The following NCAPD3 variants were observed in gnomAD, a reference collection of about 807,000 sequenced individuals.
The protein encoded by NCAPD3 is non-SMC condensin II complex subunit D3.
Under a neutral mutation model 182.9 loss-of-function variants are expected in NCAPD3, and 105 were observed. The observed-to-expected ratio is 0.57, with a 90% confidence interval of 0.49 to 0.68. The LOEUF (loss-of-function observed/expected upper bound fraction) is 0.68. Among genes scored for constraint, NCAPD3 ranks in the 30% least tolerant of loss-of-function variants. The pLI is 0.00. For missense variants in NCAPD3, 1,944 were observed against 1,837.0 expected, an observed-to-expected ratio of 1.06 and a Z score of -1.07; for synonymous variants, 815 against 679.9, an observed-to-expected ratio of 1.20 and a Z score of -3.09.
At chr11:134,211,669 T>A (rs556029066) in intron 3 of NCAPD3, among the ~76,000 whole-genome samples, 3 of 151,020 alleles carry the variant, frequency 2.0e-5, no homozygotes, top group African/African-American at 7.3e-5. Context: ...GAATTAAAAG[T>A]AAAACATTAT....
In NCAPD3 at chr11:134,182,935, T is replaced by C. The variant is rs191383963; in HGVS notation, c.2451+1702A>G. The C allele has an allele frequency of 1.5e-4, 46 of 317,072 alleles. 1 individual carries two copies. The highest frequency in any genetic ancestry group is 1.4e-3 in the Admixed American group (33 of 23,758). The allele number at this position is 317,072 out of a possible 1,614,324, so 19.6% of individuals were successfully genotyped here. On this transcript the variant is annotated intron_variant, in intron 19 of 34. Coordinates refer to ENST00000534548, the MANE Select transcript of NCAPD3 (RefSeq NM_015261.3). The stretch of plus-strand genomic sequence containing the variant: ...CTCTGTCAACCACCAAGTGAGGTTG[T>C]GTCGGCAGATTAAAACCGTGGCGGT...
chr11:134,222,296 A>G lies in NCAPD3; in HGVS notation c.64+1567T>C, dbSNP rs141179040. Among the ~76,000 whole-genome samples, 10 of 152,344 alleles carry G rather than the reference A, an allele frequency of 6.6e-5. No homozygotes were observed. The South Asian group carries it at 1.0e-3, about 16-fold the overall frequency. On this transcript the variant is annotated intron_variant, in intron 1 of 34. Transcript: ENST00000534548. ...AAATACATCACCTATTCACTCAACAAACACTTTGAGAAAATACTAGGGAAG... is the reference window on the plus strand; with the variant it reads ...AAATACATCACCTATTCACTCAACAGACACTTTGAGAAAATACTAGGGAAG...
At chr11:134,202,964 A>G (rs887331954) in intron 12 of NCAPD3, 59 bp from the exon 13 acceptor site, 24 of 1,361,840 alleles carry the variant, frequency 1.8e-5, no homozygotes, top group Non-Finnish European at 2.3e-5. Context: ...TAATAACATT[A>G]GCAGGGCATG....
At chr11:134,165,613 G>T (rs1452724403) in intron 27 of NCAPD3, among the ~76,000 whole-genome samples, 1 of 144,722 alleles carries the variant, frequency 6.9e-6, no homozygotes, top group Admixed American at 6.9e-5. Context: ...TGGGGGAGGC[G>T]CACACTCGTG....
Position 134,190,709 on chromosome 11 carries a change from T to G in NCAPD3, c.2045+1980A>C, listed in dbSNP as rs189139279. On this transcript the variant is annotated intron_variant, in intron 16 of 34. Transcript: ENST00000534548. ...CAGGGATGATCTCAAACTCCTGGTC[T>G]TAAGCAGTTCTCCTGCCTCAGCCTC... Among the ~76,000 whole-genome samples, 257 of 152,304 alleles carry G rather than the reference T, an allele frequency of 1.7e-3. 4 individuals carry two copies. The highest frequency in any genetic ancestry group is 3.7e-4 in the Non-Finnish European group (25 of 68,014).
chr11:134,165,705 G>A lies in NCAPD3; in HGVS notation c.3573+2291C>T, dbSNP rs145404157. 4.5e-5 allele frequency among the ~76,000 whole-genome samples: 6 copies of A among 134,534 alleles called. No homozygotes were observed. The South Asian group carries it at 7.6e-4, about 17-fold the overall frequency. The allele number at this position is 134,534 out of a possible 152,430, so 88.3% of individuals were successfully genotyped here. Reference sequence around the variant, plus strand: ...CATTTGTGAGATGAGCTTGGGGGAGGCGCACACTCGTGAGATGAGCTTAGG... The same window carrying A: ...CATTTGTGAGATGAGCTTGGGGGAGACGCACACTCGTGAGATGAGCTTAGG... On this transcript the variant is annotated intron_variant, in intron 27 of 34. Transcript: ENST00000534548.
intron 4 of NCAPD3, 145 bp downstream of exon 4, chr11:134,210,125 C>T (rs931851250): frequency 3.3e-6 from 2 of 597,036 alleles, no homozygotes; most frequent in Non-Finnish European, 2.9e-6. Context: ...GCCGAAGACA[C>T]AAAGCAGTAT....
At chr11:134,212,479 C>T (rs2136023689) in intron 3 of NCAPD3, among the ~76,000 whole-genome samples, 1 of 149,858 alleles carries the variant, frequency 6.7e-6, no homozygotes, top group East Asian at 2.0e-4. Context: ...ACTGCAACCT[C>T]TACCTCCTGG....
chr11:134,224,232 T>C (rs1938363919), upstream of NCAPD3: 4 of 514,510 alleles, frequency 7.8e-6, no homozygotes, highest in Non-Finnish European at 1.4e-5. Context: ...TTTTCTTCAA[T>C]GGGGGAAAAT....
intron 13 of NCAPD3, among the ~76,000 whole-genome samples, chr11:134,199,242 T>C (rs1454393556): frequency 6.6e-6 from 1 of 152,144 alleles, no homozygotes; most frequent in Non-Finnish European, 1.5e-5. Context: ...GACATAAAAA[T>C]TATTTCTGGG....
rs755567163 is a variant in NCAPD3 at position 134,153,325 on chromosome 11, A to T, written c.4291T>A (p.Tyr1431Asn). Residue 1431 changes from tyrosine to asparagine, a missense_variant, in exon 33 of 35, where the codon TAC becomes AAC. Tyr to Asn is a moderately radical substitution (Grantham distance 143). This residue lies in a region of NCAPD3 where 1,803 missense variants were observed against 1,674.6 expected (regional missense o/e 1.08). Transcript: ENST00000534548. ...GACGGAGTCCGTGGTGTCCCGATGT[A>T]ACTGACCCCTGCTCCAAACGTGACA... Reference protein sequence around the residue: ...SDVTFGAGVSYIGTPRTPSSA... With the variant: ...SDVTFGAGVSNIGTPRTPSSA... 4 of 1,614,186 alleles carry T rather than the reference A, an allele frequency of 2.5e-6. No individual in the cohort carries two copies. The highest frequency in any genetic ancestry group is 3.4e-6 in the Non-Finnish European group (4 of 1,180,030).
intron 16 of NCAPD3, among the ~76,000 whole-genome samples, chr11:134,189,307 A>C (rs1483361563): frequency 6.6e-6 from 1 of 152,060 alleles, no homozygotes; most frequent in Non-Finnish European, 1.5e-5. Flanking sequence ...TAAATTTCTA[A>C]ATTTTAGCAT....
intron 13 of NCAPD3, among the ~76,000 whole-genome samples, chr11:134,201,272 G>A (rs1944743069): frequency 6.6e-6 from 1 of 151,854 alleles, no homozygotes; most frequent in Non-Finnish European, 1.5e-5. Flanking sequence ...TCCTCCTCCC[G>A]TCTCGGCCTC....
Position 134,185,369 on chromosome 11 carries a change from T to C in NCAPD3, c.2203A>G (p.Ser735Gly). 6.2e-7 allele frequency: 1 copy of C among 1,612,920 alleles called. No homozygotes were observed. The highest frequency in any genetic ancestry group is 8.5e-7 in the Non-Finnish European group (1 of 1,179,580). Reference sequence around the variant, plus strand: ...TTCTCCCAAGATTGTATTATTCTGCTGTAGTCCAGCCTGGGTGAGGAGCCA... The same window carrying C: ...TTCTCCCAAGATTGTATTATTCTGCCGTAGTCCAGCCTGGGTGAGGAGCCA... ...IAGSSPRLDY[S>G]RIIQSWEKIS... Residue 735 changes from serine (S) to glycine (G), a missense_variant, in exon 17 of 35, where the codon AGC (serine) becomes GGC (glycine). Transcript: ENST00000534548.
chr11:134,199,793 C>T (rs1435775457), intron 13 of NCAPD3, among the ~76,000 whole-genome samples: 1 of 152,204 alleles, frequency 6.6e-6, no homozygotes, highest in Non-Finnish European at 1.5e-5. Context: ...AGGAAGAACT[C>T]ATGAGGACTG....
At chr11:134,167,550 C>A (rs367663485) in intron 27 of NCAPD3, among the ~76,000 whole-genome samples, 2 of 69,646 alleles carry the variant, frequency 2.9e-5, no homozygotes, top group South Asian at 5.6e-4. Flanking sequence ...GAGATGAGCT[C>A]GGGGGAGCTG....
At chr11:134,203,227 A>G in intron 11 of NCAPD3, 29 bp from the exon 12 acceptor site, 1 of 1,481,894 alleles carries the variant, frequency 6.7e-7, no homozygotes, top group Non-Finnish European at 9.4e-7. Flanking sequence ...ATAAGAAGGA[A>G]GAAGTCAGTA....
intron 27 of NCAPD3, among the ~76,000 whole-genome samples, chr11:134,163,082 T>C (rs967698957): frequency 4.6e-5 from 7 of 151,318 alleles, no homozygotes; most frequent in Non-Finnish European, 1.0e-4. Context: ...AGGTTAGAGG[T>C]GAGGATGGAG....
At chr11:134,185,144 T>G in intron 17 of NCAPD3, 144 bp from the exon 18 acceptor site, 1 of 870,688 alleles carries the variant, frequency 1.1e-6, no homozygotes, top group Non-Finnish European at 1.8e-6. Flanking sequence ...CATCAAGGCA[T>G]TTAATGTACT....
Sources: gnomAD v4.1 joint callset for allele counts (sites outside exome capture counted in the v4.1 genomes callset) on GRCh38, gnomAD v4.1.1 for gene constraint, gnomAD v4.1.1 regional missense constraint, MANE v1.5 for transcripts, NCBI Gene and HGNC (gene_info 2026-07-23, HGNC 2026-07-21) for gene names.